KCNQ1: variants seen among roughly 807,000 people sequenced by gnomAD.
The protein encoded by KCNQ1 is potassium voltage-gated channel subfamily Q member 1.
Under a neutral mutation model 72.4 loss-of-function variants are expected in KCNQ1, and 49 were observed. The observed-to-expected ratio is 0.68, with a 90% CI of 0.54 to 0.86. The LOEUF is 0.86. KCNQ1 is among the 40% of genes least tolerant of loss of function. The pLI, the probability that KCNQ1 is intolerant of heterozygous loss-of-function variation, is 0.00. For synonymous variants in KCNQ1, 450 were observed against 412.6 expected (o/e 1.09, Z -1.10); for missense variants, 790 against 945.1 (o/e 0.84, Z 2.15).
rs557024584 is a variant in KCNQ1 at position 2,670,292 on chromosome 11, G to A, written c.1514+8211G>A. On this transcript the variant is annotated intron_variant, in intron 11 of 15. Transcript: ENST00000155840. This position sits in a 1 kb window ranked among gnomAD's most constrained non-coding sequence, Gnocchi z 4.9. ...GTAGCTTGTCTCTAGGCAACCCATA[G>A]GTGCCCAATGGAGAGATAATCTCAA... 1.3e-5 allele frequency: 5 copies of A among 398,566 alleles called. No homozygotes were observed. In the South Asian group the frequency reaches 6.4e-4, roughly 51 times the overall value. 24.7% of individuals were successfully genotyped at this position (398,566 alleles called of 1,614,324 possible).
At chr11:2,610,849 G>A (rs1848969810) in intron 10 of KCNQ1, 1 of 397,238 alleles carries the variant, frequency 2.5e-6, no homozygotes, top group African/African-American at 2.1e-5. Context: ...AACAGGGGAG[G>A]GTATTAAGCA....
chr11:2,743,317 T>C (rs1248918829), intron 11 of KCNQ1, among the ~76,000 whole-genome samples: 4 of 152,186 alleles, frequency 2.6e-5, no homozygotes, highest in Non-Finnish European at 4.4e-5. Flanking sequence ...GGTGTCTCTC[T>C]TCACCTCTTC....
intron 10 of KCNQ1, chr11:2,655,731 G>T: frequency 8.0e-6 from 2 of 251,238 alleles, no homozygotes; most frequent in South Asian, 1.8e-4. Context: ...ACCTGGCTAC[G>T]ACCACAGGTG....
Position 2,583,483 on chromosome 11 carries a change from G to C in KCNQ1, c.970G>C (p.Val324Leu). The part of the protein sequence containing the change: ...GYGDKVPQTW[V>L]GKTIASCFSV... ...TGGGGACAAGGTGCCCCAGACGTGG[G>C]TCGGGAAGACCATCGCCTCCTGCTT... Residue 324 changes from valine (V) to leucine (L), a missense_variant, in exon 7 of 16, where the codon GTC becomes CTC. Physicochemically the swap from Val to Leu is conservative, Grantham distance 32. Around this residue, in one of 5 missense-constraint regions of KCNQ1, gnomAD observed 133 missense variants for 219.5 expected, o/e 0.61. Coordinates refer to ENST00000155840, the MANE Select transcript of KCNQ1 (RefSeq NM_000218.3). 6.2e-7 allele frequency: 1 copy of C among 1,614,094 alleles called. No homozygotes were observed.
chr11:2,716,041 G>T (rs955283896), intron 11 of KCNQ1, among the ~76,000 whole-genome samples: 1 of 152,198 alleles, frequency 6.6e-6, no homozygotes, highest in Non-Finnish European at 1.5e-5. Context: ...CATGCACTGA[G>T]AGTAATGGGC....
chr11:2,538,573 C>G lies in KCNQ1; in HGVS notation c.477+10555C>G, dbSNP rs114221899. Among the ~76,000 whole-genome samples the G allele has an allele frequency of 1.3e-5, 2 of 152,054 alleles. No individual in the cohort carries two copies. Among genetic ancestry groups the G allele is most frequent in the African/African-American group, 4.8e-5 (2 of 41,382 alleles). ...CATTCTTTCATGCGAAATCTGCTTG[C>G]GGGAGAGTCGTGAAAGTGGGAATCC... is the stretch of plus-strand genomic sequence containing the variant. On this transcript the variant is annotated intron_variant, in intron 2 of 15. Coordinates refer to ENST00000155840, the MANE Select transcript of KCNQ1 (RefSeq NM_000218.3). The surrounding 1 kb of genome is among the most constrained non-coding windows in gnomAD (Gnocchi z 6.7).
intron 15 of KCNQ1, among the ~76,000 whole-genome samples, chr11:2,843,815 C>T (rs1009753302): frequency 1.3e-5 from 2 of 152,200 alleles, no homozygotes; most frequent in Non-Finnish European, 2.9e-5. Context: ...TTTTCTCTTC[C>T]GAGGGCTGCA....
In KCNQ1 at chr11:2,785,580, AT is replaced by A. The variant is rs1846894611; in HGVS notation, c.1794+7545del. Among the ~76,000 whole-genome samples the A allele has an allele frequency of 6.6e-6, 1 of 151,758 alleles. No homozygotes were observed. Among genetic ancestry groups the A allele is most frequent in the Non-Finnish European group, 1.5e-5 (1 of 67,796 alleles). ...CAGGTTTGTCTTTTGTAAACACTGT[AT>A]TACTGAGTTTTTAAAAAATCATTTA... is the stretch of plus-strand genomic sequence containing the variant. On this transcript the variant is annotated intron_variant, in intron 15 of 15. Coordinates refer to ENST00000155840, the MANE Select transcript of KCNQ1 (RefSeq NM_000218.3). This position sits in a 1 kb window ranked among gnomAD's most constrained non-coding sequence, Gnocchi z 4.4.
At chr11:2,770,564 G>T (rs551782855) in intron 12 of KCNQ1, among the ~76,000 whole-genome samples, 1 of 152,340 alleles carries the variant, frequency 6.6e-6, no homozygotes, top group African/African-American at 2.4e-5. Flanking sequence ...CCTCCCACCT[G>T]CATCCCCCCA....
At chr11:2,502,493 T>A (rs1461650144) in intron 1 of KCNQ1, among the ~76,000 whole-genome samples, 1 of 151,786 alleles carries the variant, frequency 6.6e-6, no homozygotes, top group Non-Finnish European at 1.5e-5. Flanking sequence ...AAGTGAGAGA[T>A]CTCTACAATG....
chr11:2,678,225 T>C lies in KCNQ1; in HGVS notation c.1514+16144T>C. ...CATAGTCAGCTGTGTCAGTCTTTTA[T>C]GGTTTGAGGTCCTTATCTTAAATTC... On this transcript the variant is annotated intron_variant, in intron 11 of 15. Coordinates refer to ENST00000155840, the MANE Select transcript of KCNQ1 (RefSeq NM_000218.3). The surrounding 1 kb of genome is among the most constrained non-coding windows in gnomAD (Gnocchi z 4.9). The C allele has an allele frequency of 5.0e-6, 2 of 398,430 alleles. No homozygotes were observed. The highest frequency in any genetic ancestry group is 4.4e-6 in the Non-Finnish European group (1 of 225,972). The allele number at this position is 398,430 out of a possible 1,614,324, so 24.7% of individuals were successfully genotyped here.
At chr11:2,532,069 G>A (rs1053497110) in intron 2 of KCNQ1, among the ~76,000 whole-genome samples, 16 of 152,242 alleles carry the variant, frequency 1.1e-4, no homozygotes, top group Admixed American at 9.2e-4. Flanking sequence ...GGCTGTCCTC[G>A]GGAGTGTCAG....
chr11:2,664,970 G>A lies in KCNQ1; in HGVS notation c.1514+2889G>A. 2.5e-6 allele frequency: 1 copy of A among 398,654 alleles called. No homozygotes were observed. Among genetic ancestry groups the A allele is most frequent in the Non-Finnish European group, 4.4e-6 (1 of 226,114 alleles). 24.7% of individuals were successfully genotyped at this position (398,654 alleles called of 1,614,324 possible). On this transcript the variant is annotated intron_variant, in intron 11 of 15. Coordinates refer to ENST00000155840, the MANE Select transcript of KCNQ1 (RefSeq NM_000218.3). This position sits in a 1 kb window ranked among gnomAD's most constrained non-coding sequence, Gnocchi z 5.1. The stretch of plus-strand genomic sequence containing the variant: ...TCACTATAGCCTTGATTACGGGAAG[G>A]TCCCTGGGGCTGGGCGAAGCTCCTC...
intron 13 of KCNQ1, 87 bp downstream of exon 13, chr11:2,776,141 G>C: frequency 8.7e-7 from 1 of 1,148,460 alleles, no homozygotes; most frequent in Non-Finnish European, 1.2e-6. Context: ...CCGGAGGAGG[G>C]AGGGGCTGAG....
intron 10 of KCNQ1, chr11:2,630,363 A>G (rs10430889): frequency 0.91 from 360,979 of 398,128 alleles, 163,878 homozygotes; most frequent in East Asian, 0.99. Context: ...AATATCAGCC[A>G]GTTATTTTCT....
At chr11:2,459,375 T>C (rs937450667) in intron 1 of KCNQ1, among the ~76,000 whole-genome samples, 1 of 152,030 alleles carries the variant, frequency 6.6e-6, no homozygotes, top group Admixed American at 6.5e-5. Context: ...TGGGGGGCAA[T>C]CAGGGTTCCT....
chr11:2,841,014 G>A (rs2283229), intron 15 of KCNQ1, among the ~76,000 whole-genome samples: 27,511 of 152,230 alleles, frequency 0.18, 3,584 homozygotes, highest in East Asian at 0.58. Flanking sequence ...GGGTTAAGAC[G>A]GTGACTGCCT....
At chr11:2,634,182 T>C (rs1452544624) in intron 10 of KCNQ1, 1 of 397,482 alleles carries the variant, frequency 2.5e-6, no homozygotes, top group East Asian at 3.6e-5. Context: ...CCCTTTTTTT[T>C]ATTATACTTT....
Position 2,620,640 on chromosome 11 carries a change from G to A in KCNQ1, c.1393+31786G>A. 1 of 398,224 alleles carries A rather than the reference G, an allele frequency of 2.5e-6. No homozygotes were observed. Among genetic ancestry groups the A allele is most frequent in the Non-Finnish European group, 4.4e-6 (1 of 226,032 alleles). 24.7% of individuals were successfully genotyped at this position (398,224 alleles called of 1,614,324 possible). A position where few individuals can be genotyped will look rare whatever the true frequency, so the allele number is the denominator to read the frequency against. On this transcript the variant is annotated intron_variant, in intron 10 of 15. Transcript: ENST00000155840. This position sits in a 1 kb window ranked among gnomAD's most constrained non-coding sequence, Gnocchi z 4.5. ...TGTCTTTGCTGTTGTGAATAGTGCT[G>A]TGATGAACATACAAATGCATGTGTC...
Sources: gnomAD v4.1 joint callset for allele counts (sites outside exome capture counted in the v4.1 genomes callset) on GRCh38, gnomAD v4.1.1 for gene constraint, gnomAD v4.1.1 regional missense constraint, Gnocchi (gnomAD v3.1) non-coding constraint, MANE v1.5 for transcripts, NCBI Gene and HGNC (gene_info 2026-07-23, HGNC 2026-07-21) for gene names.